The following FRMD4A variants were observed in gnomAD, a reference collection of about 807,000 sequenced individuals.
FRMD4A encodes FERM domain containing 4A, also known as FERM domain-containing protein 4A.
Under a neutral mutation model 129.1 loss-of-function variants are expected in FRMD4A, and 29 were observed. The ratio of observed to expected loss-of-function variants is 0.22; its 90% CI spans 0.17 to 0.31. FRMD4A has a LOEUF of 0.31. Among genes scored for constraint, FRMD4A ranks in the 10% least tolerant of loss-of-function variants. The pLI, the probability that FRMD4A is intolerant of heterozygous loss-of-function variation, is 1.00. For synonymous variants in FRMD4A, 634 were observed against 571.6 expected (o/e 1.11, Z -1.56); for missense variants, 1,272 against 1,375.8 (o/e 0.92, Z 1.19).
In FRMD4A at chr10:14,259,029, G is replaced by A. The variant is rs1035218343; in HGVS notation, c.45+71029C>T. Among the ~76,000 whole-genome samples the A allele has an allele frequency of 2.0e-5, 3 of 151,946 alleles. No homozygotes were observed. The East Asian group carries it at 5.8e-4, about 29-fold the overall frequency. On this transcript the variant is annotated intron_variant, in intron 2 of 24. Coordinates refer to ENST00000357447, the MANE Select transcript of FRMD4A (RefSeq NM_018027.5). The stretch of plus-strand genomic sequence containing the variant: ...GGTGTGAGGGAGGGATTACAAAGGG[G>A]GCAAAAGGAAATTTCTTGGAACAAG...
At chr10:13,904,993 A>AAAG (rs1491426252) in intron 2 of FRMD4A, among the ~76,000 whole-genome samples, 73 of 4,474 alleles carry the variant, frequency 0.016, 8 homozygotes, top group Middle Eastern at 0.12. Flanking sequence ...ACTCTATCTC[A>AAAG]AAAAAAAAAA....
intron 13 of FRMD4A, among the ~76,000 whole-genome samples, chr10:13,703,410 G>C (rs2087065127): frequency 6.6e-6 from 1 of 152,320 alleles, no homozygotes; most frequent in East Asian, 1.9e-4. Context: ...TGCCCAGGGG[G>C]AGAAAGTGCA....
At chr10:13,963,184 C>A (rs2095457722) in intron 2 of FRMD4A, among the ~76,000 whole-genome samples, 1 of 151,520 alleles carries the variant, frequency 6.6e-6, no homozygotes, top group Non-Finnish European at 1.5e-5. Context: ...TAATGAATGC[C>A]TGAAAAAAAC....
chr10:14,104,007 C>A (rs947109541), intron 2 of FRMD4A, among the ~76,000 whole-genome samples: 1 of 152,212 alleles, frequency 6.6e-6, no homozygotes, highest in Non-Finnish European at 1.5e-5. Context: ...ACCAGGTCCT[C>A]CTTGCTGTAA....
At chr10:14,068,954 G>A (rs1245711487) in intron 2 of FRMD4A, among the ~76,000 whole-genome samples, 1 of 139,468 alleles carries the variant, frequency 7.2e-6, no homozygotes, top group Non-Finnish European at 1.5e-5. Context: ...CGTCTCGAAT[G>A]TTTTGTGGGT....
rs376306803 is a variant in FRMD4A at position 13,721,939 on chromosome 10, T to A, written c.760-14826A>T. 1.5e-4 allele frequency among the ~76,000 whole-genome samples: 23 copies of A among 152,264 alleles called. No homozygotes were observed. In the East Asian group the frequency reaches 4.1e-3, roughly 27 times the overall value. On this transcript the variant is annotated intron_variant, in intron 12 of 24. Transcript: ENST00000357447. ...CTGCTCATTAAAGGTAGGACTGGGGTTGGTTTTCAGTCAAACGTGAGGACG... is the reference window on the plus strand; with the variant it reads ...CTGCTCATTAAAGGTAGGACTGGGGATGGTTTTCAGTCAAACGTGAGGACG...
At chr10:13,744,713 A>C (rs1181832594) in intron 9 of FRMD4A, 1 of 152,192 alleles carries the variant, frequency 6.6e-6, no homozygotes, top group East Asian at 1.9e-4. Context: ...TCCTTAGTTC[A>C]GGAATGATCA....
chr10:14,128,521 C>T (rs1343717960), intron 2 of FRMD4A, among the ~76,000 whole-genome samples: 1 of 152,180 alleles, frequency 6.6e-6, no homozygotes, highest in Non-Finnish European at 1.5e-5. Flanking sequence ...GTCCTGGGCG[C>T]TCAAATCTGA....
chr10:14,068,564 G>A (rs1224309721), intron 2 of FRMD4A, among the ~76,000 whole-genome samples: 4 of 152,078 alleles, frequency 2.6e-5, no homozygotes, highest in Non-Finnish European at 5.9e-5. Flanking sequence ...CTTAGCCTTG[G>A]TATCTGAAAA....
chr10:13,765,589 G>A (rs2092260082), intron 6 of FRMD4A, among the ~76,000 whole-genome samples: 2 of 152,172 alleles, frequency 1.3e-5, no homozygotes, highest in African/African-American at 4.8e-5. Context: ...CACCTTAGAA[G>A]TACGGGTTAA....
At chr10:14,133,728 T>TGA (rs1839387947) in intron 2 of FRMD4A, among the ~76,000 whole-genome samples, 1 of 152,186 alleles carries the variant, frequency 6.6e-6, no homozygotes, top group African/African-American at 2.4e-5. Context: ...TTCACTACCC[T>TGA]TTTTGTCTAG....
rs753005445 is a variant in FRMD4A at position 14,282,772 on chromosome 10, T to C, written c.45+47286A>G. Among the ~76,000 whole-genome samples, 68 of 152,320 alleles carry C rather than the reference T, an allele frequency of 4.5e-4. 1 individual carries two copies. Among genetic ancestry groups the C allele is most frequent in the Middle Eastern group, 3.4e-3 (1 of 294 alleles). ...CTGCACAAGTTTGTTCACCATTTGA[T>C]TGATCATTTAGCTGTGGTGAAAATT... On this transcript the variant is annotated intron_variant, in intron 2 of 24. Coordinates refer to ENST00000357447, the MANE Select transcript of FRMD4A (RefSeq NM_018027.5).
intron 2 of FRMD4A, among the ~76,000 whole-genome samples, chr10:13,984,873 G>A (rs1450715813): frequency 6.6e-6 from 1 of 152,226 alleles, no homozygotes; most frequent in East Asian, 1.9e-4. Flanking sequence ...TTCCTTTGGG[G>A]ATTTACCCAG....
chr10:13,994,932 G>A (rs1166790457), intron 2 of FRMD4A, among the ~76,000 whole-genome samples: 1 of 152,142 alleles, frequency 6.6e-6, no homozygotes. Context: ...AGTTTATAAT[G>A]CCTCTACGAG....
chr10:14,034,595 C>T (rs1163910222), intron 2 of FRMD4A, among the ~76,000 whole-genome samples: 1 of 151,856 alleles, frequency 6.6e-6, no homozygotes, highest in Non-Finnish European at 1.5e-5. Context: ...GAGAGATGAT[C>T]AGATCTGATC....
At chr10:13,656,508 G>A (rs2082159835) in intron 22 of FRMD4A, 128 bp downstream of exon 22, 1 of 1,137,542 alleles carries the variant, frequency 8.8e-7, no homozygotes, top group Non-Finnish European at 1.1e-6. Flanking sequence ...AGCGTTCCCA[G>A]AATTAATTAA....
At chr10:13,772,456 G>A (rs1435726552) in intron 6 of FRMD4A, among the ~76,000 whole-genome samples, 1 of 152,008 alleles carries the variant, frequency 6.6e-6, no homozygotes, top group Admixed American at 6.6e-5. Context: ...TGTCAATGCT[G>A]GTTTACAACC....
intron 2 of FRMD4A, among the ~76,000 whole-genome samples, chr10:14,178,172 T>A (rs1841796187): frequency 6.6e-6 from 1 of 152,276 alleles, no homozygotes; most frequent in Non-Finnish European, 1.5e-5. Context: ...TATTTCCACC[T>A]TGTGTTACTT....
At chr10:14,093,648 AT>A (rs1464101136) in intron 2 of FRMD4A, among the ~76,000 whole-genome samples, 5 of 152,232 alleles carry the variant, frequency 3.3e-5, no homozygotes, top group Non-Finnish European at 7.4e-5. Flanking sequence ...CAATAAACAA[AT>A]GTCTTTGATT....
Sources: allele counts gnomAD v4.1 joint callset (sites outside exome capture counted in the v4.1 genomes callset), GRCh38; gene constraint gnomAD v4.1.1; transcripts MANE v1.5; gene names NCBI Gene and HGNC (gene_info 2026-07-23, HGNC 2026-07-21).